The following POGLUT2 variants were observed in gnomAD, a reference collection of about 807,000 sequenced individuals.
The protein encoded by POGLUT2 is ER protein 58.
Under a neutral mutation model 57.6 loss-of-function variants are expected in POGLUT2, and 47 were observed. The ratio of observed to expected loss-of-function variants is 0.82; its 90% confidence interval spans 0.65 to 1.04. The LOEUF (loss-of-function observed/expected upper bound fraction) is 1.04. POGLUT2 is among the 50% of genes least tolerant of loss of function. The probability of loss-of-function intolerance (pLI) is 0.00; values close to 1 mark genes in which losing one functional copy is unlikely to be tolerated. For missense variants in POGLUT2, 565 were observed against 614.8 expected (o/e 0.92, Z 0.86); for synonymous variants, 200 against 218.8 (o/e 0.91, Z 0.76).
intron 7 of POGLUT2, 151 bp from the exon 8 acceptor site, chr13:102,788,074 C>T (rs183974374): frequency 1.4e-5 from 7 of 509,440 alleles, no homozygotes; most frequent in Non-Finnish European, 2.5e-5. Flanking sequence ...GAACATTTAA[C>T]AGAGTATGTT....
At chr13:102,788,390 T>A (rs1878035786) in intron 7 of POGLUT2, among the ~76,000 whole-genome samples, 1 of 152,252 alleles carries the variant, frequency 6.6e-6, no homozygotes, top group Non-Finnish European at 1.5e-5. Flanking sequence ...AATTTTCACA[T>A]TGCTAGCGGA....
intron 1 of POGLUT2, among the ~76,000 whole-genome samples, chr13:102,797,708 C>T (rs1878474724): frequency 1.3e-5 from 2 of 151,862 alleles, no homozygotes; most frequent in South Asian, 2.1e-4. Context: ...CACCACTGCA[C>T]TCCAGACTAG....
intron 4 of POGLUT2, among the ~76,000 whole-genome samples, chr13:102,792,896 G>A (rs946011982): frequency 5.3e-5 from 8 of 152,114 alleles, no homozygotes; most frequent in African/African-American, 1.4e-4. Context: ...AGGTTCAAGC[G>A]ATCTTCCTGC....
chr13:102,786,594 T>TTA (rs397728340), intron 8 of POGLUT2, among the ~76,000 whole-genome samples: 1 of 151,822 alleles, frequency 6.6e-6, no homozygotes, highest in East Asian at 1.9e-4. Context: ...CTTTTTTTTT[T>TTA]AACCGTCTTC....
At chr13:102,788,723 T>C (rs1205096090) in intron 7 of POGLUT2, among the ~76,000 whole-genome samples, 1 of 152,188 alleles carries the variant, frequency 6.6e-6, no homozygotes, top group Non-Finnish European at 1.5e-5. Flanking sequence ...TGACCTCAGG[T>C]GATCTGCCTG....
At chr13:102,798,464 G>T in intron 1 of POGLUT2, 25 bp downstream of exon 1, 1 of 1,521,136 alleles carries the variant, frequency 6.6e-7, no homozygotes, top group Non-Finnish European at 8.8e-7. Context: ...ATCCAAAATA[G>T]GTAAGGAGCC....
chr13:102,787,302 C>T (rs1002274119), intron 8 of POGLUT2, among the ~76,000 whole-genome samples: 6 of 152,220 alleles, frequency 3.9e-5, no homozygotes, highest in Non-Finnish European at 8.8e-5. Context: ...CTGCCTCAGC[C>T]TCCCAAAGTG....
chr13:102,785,062 T>C (rs986881740), intron 9 of POGLUT2, among the ~76,000 whole-genome samples: 2 of 152,146 alleles, frequency 1.3e-5, no homozygotes, highest in Non-Finnish European at 2.9e-5. Context: ...ACTGACAGAG[T>C]TCACAATGAT....
chr13:102,790,755 C>T (rs1278729951), intron 6 of POGLUT2, 146 bp downstream of exon 6: 2 of 632,572 alleles, frequency 3.2e-6, no homozygotes, highest in Non-Finnish European at 2.8e-6. Context: ...AAACAGTCCC[C>T]AGCACCCCCA....
intron 2 of POGLUT2, among the ~76,000 whole-genome samples, chr13:102,796,320 A>G (rs1878387409): frequency 6.7e-6 from 1 of 149,608 alleles, no homozygotes; most frequent in Non-Finnish European, 1.5e-5. Flanking sequence ...AAATAAATAA[A>G]TAAATAAATA....
intron 4 of POGLUT2, chr13:102,793,136 T>C: frequency 2.0e-6 from 1 of 510,432 alleles, no homozygotes; most frequent in Non-Finnish European, 3.5e-6. Context: ...TCTGTTATTT[T>C]AAGGCTTCCA....
At position 102,796,311 on chromosome 13, in the gene POGLUT2, AAT is replaced by A. The variant is rs1235286215; in HGVS notation, c.388+491_388+492del. ...TCTGCCTCAAAAAAAAAAAAAAAAA[AAT>A]AAATAAATAAATAAATAAATAAATG... On this transcript the variant is annotated intron_variant, in intron 2 of 9. Coordinates refer to ENST00000376004, the MANE Select transcript of POGLUT2 (RefSeq NM_024089.3). 2.2e-3 allele frequency among the ~76,000 whole-genome samples: 302 copies of A among 137,660 alleles called. 3 individuals carry two copies. The highest frequency in any genetic ancestry group is 7.4e-3 in the African/African-American group (276 of 37,276). 90.3% of individuals were successfully genotyped at this position (137,660 alleles called of 152,430 possible). A position where few individuals can be genotyped will look rare whatever the true frequency, so the allele number is the denominator to read the frequency against.
intron 7 of POGLUT2, among the ~76,000 whole-genome samples, 177 bp downstream of exon 7, chr13:102,788,835 C>T (rs1427787328): frequency 6.6e-6 from 1 of 152,132 alleles, no homozygotes; most frequent in Non-Finnish European, 1.5e-5. Context: ...AGATGCAGTG[C>T]CCGCTGTGTT....
At position 102,793,758 on chromosome 13, in the gene POGLUT2, G is replaced by A; in HGVS notation, c.437C>T (p.Ala146Val). The change falls in exon 3 of 10, where the codon GCC becomes GTC. Residue 146 changes from alanine (A) to valine (V), a missense_variant. By Grantham distance (64) the Ala-to-Val change is moderately conservative. Coordinates refer to ENST00000376004, the MANE Select transcript of POGLUT2 (RefSeq NM_024089.3). Reference protein sequence around the residue: ...NCDCPLQDSAAWLREMNCPET... With the variant: ...NCDCPLQDSAVWLREMNCPET... ...AGGGCAGTTCATCTCCCGTAGCCAG[G>A]CTGCACTATCTTGCAGAGGACAGTC... The A allele has an allele frequency of 6.2e-7, 1 of 1,614,208 alleles. No homozygotes were observed. Among genetic ancestry groups the A allele is most frequent in the South Asian group, 1.1e-5 (1 of 91,090 alleles).
At chr13:102,787,766 TA>T in intron 8 of POGLUT2, 67 bp downstream of exon 8, 2 of 804,494 alleles carry the variant, frequency 2.5e-6, no homozygotes, top group Non-Finnish European at 3.9e-6. Context: ...AATTGTTAAG[TA>T]AAATATTATT....
At position 102,796,995 on chromosome 13, in the gene POGLUT2, G is replaced by A; in HGVS notation, c.197C>T (p.Pro66Leu). The A allele has an allele frequency of 6.2e-7, 1 of 1,612,080 alleles. No homozygotes were observed. The highest frequency in any genetic ancestry group is 1.3e-5 in the African/African-American group (1 of 74,958). Residue 66 changes from proline (P) to leucine (L), a missense_variant, in exon 2 of 10, where the codon CCA becomes CTA. Transcript: ENST00000376004. ...DTSGNKFTSS[P>L]GEKVFQVKVS... Reference sequence around the variant, plus strand: ...TTTCACCTGGAAGACCTTTTCGCCTGGAGAAGATGTGAATCTGTGATGAAA... The same window carrying A: ...TTTCACCTGGAAGACCTTTTCGCCTAGAGAAGATGTGAATCTGTGATGAAA...
In POGLUT2 at chr13:102,789,185, C is replaced by A. The variant is rs377520885; in HGVS notation, c.1120G>T (p.Ala374Ser). Residue 374 changes from alanine to serine, a missense_variant, in exon 7 of 10, where the codon GCT (alanine) becomes TCT (serine). Physicochemically the swap from Ala to Ser is moderately conservative, Grantham distance 99. Coordinates refer to ENST00000376004, the MANE Select transcript of POGLUT2 (RefSeq NM_024089.3). ...YQINIDGTVA[A>S]YRLPYLLVGD... The stretch of plus-strand genomic sequence containing the variant: ...ACTAGCAAATATGGCAGGCGATAAG[C>A]TGCTACAGTGCCATCGATATTTATT... The A allele has an allele frequency of 6.2e-7, 1 of 1,614,026 alleles. No individual in the cohort carries two copies. The highest frequency in any genetic ancestry group is 8.5e-7 in the Non-Finnish European group (1 of 1,180,002).
Position 102,798,746 on chromosome 13 carries a change from C to G in POGLUT2, c.-76G>C, listed in dbSNP as rs1247175218. On this transcript the variant is annotated 5_prime_UTR_variant, in exon 1 of 10. Coordinates refer to ENST00000376004, the MANE Select transcript of POGLUT2 (RefSeq NM_024089.3). ...AGGTGGACAGAAGCAGCCGAGCCTT[C>G]GGCAGGGACCCGCCGGCCGATCGCA... is the stretch of plus-strand genomic sequence containing the variant. The G allele has an allele frequency of 2.2e-6, 3 of 1,384,632 alleles. No individual in the cohort carries two copies. Among genetic ancestry groups the G allele is most frequent in the Non-Finnish European group, 2.9e-6 (3 of 1,047,188 alleles). The allele number at this position is 1,384,632 out of a possible 1,614,324, so 85.8% of individuals were successfully genotyped here.
At chr13:102,788,446 T>C (rs1388361641) in intron 7 of POGLUT2, among the ~76,000 whole-genome samples, 4 of 152,206 alleles carry the variant, frequency 2.6e-5, no homozygotes, top group African/African-American at 9.6e-5. Context: ...AGAGAAAGTG[T>C]AATCAAGGCC....
Sources: gnomAD v4.1 joint callset for allele counts (sites outside exome capture counted in the v4.1 genomes callset) on GRCh38, gnomAD v4.1.1 for gene constraint, MANE v1.5 for transcripts, NCBI Gene and HGNC (gene_info 2026-07-23, HGNC 2026-07-21) for gene names.